The following C2CD4D variants were observed in gnomAD, a reference collection of about 807,000 sequenced individuals.
C2CD4D encodes C2 calcium-dependent domain-containing protein 4D.
A neutral mutation model predicts 0.2 loss-of-function variants in C2CD4D; 1 was observed. The ratio of observed to expected loss-of-function variants is 4.00; its 90% confidence interval spans 1.42 to 18.99. The LOEUF (loss-of-function observed/expected upper bound fraction) is 18.99. Ranked by LOEUF, C2CD4D falls within the 30% of genes most tolerant of loss-of-function variation. The pLI is 0.11. For missense variants in C2CD4D, 552 were observed against 551.2 expected (o/e 1.00, Z -0.01); for synonymous variants, 269 against 279.8 (o/e 0.96, Z 0.39).
exon 2 of C2CD4D, chr1:151,838,888 C>T: frequency 6.5e-7 from 1 of 1,543,984 alleles, no homozygotes; most frequent in Non-Finnish European, 8.7e-7. Context: ...CGCTTGTGGG[C>T]GGGCCCGGGG....
At position 151,838,968 on chromosome 1, in the gene C2CD4D, C is replaced by T. The variant is rs1652687602; in HGVS notation, c.22G>A (p.Gly8Ser). The change falls in exon 2 of 2, where the codon GGC (glycine) becomes AGC (serine). Residue 8 changes from glycine to serine, a missense_variant. By Grantham distance (56) the Gly-to-Ser change is moderately conservative (BLOSUM62 0). Transcript: ENST00000454109. ...GGCTCCGCGGCCCCCACCTTATAGC[C>T]AGCTTTTTCCAAGAGCCACATGCGG... 2 of 1,550,252 alleles carry T rather than the reference C, an allele frequency of 1.3e-6. No individual in the cohort carries two copies. Among genetic ancestry groups the T allele is most frequent in the Non-Finnish European group, 8.7e-7 (1 of 1,146,624 alleles).
In C2CD4D at chr1:151,838,821, GC is replaced by G. The variant is rs1652677741; in HGVS notation, c.168del (p.Leu57SerfsTer182). On this transcript the variant is annotated frameshift_variant, in exon 2 of 2. Coordinates refer to ENST00000454109, the Ensembl canonical transcript of C2CD4D. LOFTEE classifies it low-confidence loss of function (END_TRUNC). Reference sequence around the variant, plus strand: ...GGCACTGCGCCGCCCGGGTCCGGGAGCCGAGGCGGGATGAAGAACTGCGGGA... The same window carrying G: ...GGCACTGCGCCGCCCGGGTCCGGGAGCGAGGCGGGATGAAGAACTGCGGGA... 1.4e-6 allele frequency: 2 copies of G among 1,445,630 alleles called. No individual in the cohort carries two copies. The highest frequency in any genetic ancestry group is 1.8e-6 in the Non-Finnish European group (2 of 1,101,866). 89.6% of individuals were successfully genotyped at this position (1,445,630 alleles called of 1,614,324 possible). A position where few individuals can be genotyped will look rare whatever the true frequency, so the allele number is the denominator to read the frequency against.
chr1:151,837,943 G>T (rs1016260498), exon 2 of C2CD4D: 4 of 1,538,632 alleles, frequency 2.6e-6, no homozygotes, highest in Non-Finnish European at 3.5e-6. Flanking sequence ...GGCTGAGATG[G>T]GTGGGCGCCA....
intron 1 of C2CD4D, 63 bp from the exon 2 acceptor site, chr1:151,839,283 AC>A: frequency 2.2e-6 from 1 of 460,788 alleles, no homozygotes; most frequent in East Asian, 4.3e-5. Flanking sequence ...GGCCTCCGTC[AC>A]CAAGTACACA....
chr1:151,837,929 T>C, exon 2 of C2CD4D: 1 of 1,527,334 alleles, frequency 6.5e-7, no homozygotes, highest in South Asian at 1.2e-5. Flanking sequence ...GGGCTCAGGC[T>C]ACAGGCTGAG....
At chr1:151,839,993 G>C (rs1203724741) in intron 1 of C2CD4D, among the ~76,000 whole-genome samples, 173 bp from the exon 1 acceptor site, 1 of 152,240 alleles carries the variant, frequency 6.6e-6, no homozygotes, top group East Asian at 1.9e-4. Flanking sequence ...CAAGAGCACC[G>C]TGTTCCGACC....
At chr1:151,840,361 A>G in exon 1 of C2CD4D, 1 of 152,374 alleles carries the variant, frequency 6.6e-6, no homozygotes, top group Middle Eastern at 3.1e-3. Context: ...GCTACAGAGA[A>G]GAGGGAGACG....
exon 2 of C2CD4D, chr1:151,837,855 C>T: frequency 7.0e-7 from 1 of 1,435,572 alleles, no homozygotes. Context: ...AAAATAAATA[C>T]AAGCCGGGCA....
At chr1:151,838,301 C>T (rs1414297317) in exon 2 of C2CD4D, 2 of 1,385,736 alleles carry the variant, frequency 1.4e-6, no homozygotes. Flanking sequence ...CCGCCCGGGC[C>T]CGGCCTGATA....
chr1:151,839,801 C>T (rs1200262929), intron 1 of C2CD4D, among the ~76,000 whole-genome samples: 1 of 152,210 alleles, frequency 6.6e-6, no homozygotes, highest in Non-Finnish European at 1.5e-5. Context: ...CGCCTCCCAG[C>T]CCTACCGCAT....
At chr1:151,838,520 C>T (rs1652655260) in exon 2 of C2CD4D, 1 of 1,353,726 alleles carries the variant, frequency 7.4e-7, no homozygotes. Context: ...CCGGCCCAGG[C>T]CTGGCCGCGG....
exon 2 of C2CD4D, chr1:151,838,647 C>A (rs1326338451): frequency 1.5e-6 from 2 of 1,342,942 alleles, no homozygotes; most frequent in Non-Finnish European, 1.9e-6. Context: ...AGTCCCCCGG[C>A]CGGGGCAGGT....
exon 2 of C2CD4D, chr1:151,839,002 G>A: frequency 6.5e-7 from 1 of 1,548,968 alleles, no homozygotes; most frequent in Non-Finnish European, 8.7e-7. Flanking sequence ...GGTGGGTGGG[G>A]TAATGGAATT....
chr1:151,838,157 A>G (rs1421006006), exon 2 of C2CD4D: 8 of 1,549,968 alleles, frequency 5.2e-6, no homozygotes, highest in Non-Finnish European at 6.1e-6. Flanking sequence ...GCTGCACTTG[A>G]CCACGCGGCT....
chr1:151,838,426 C>T, exon 2 of C2CD4D: 3 of 1,424,102 alleles, frequency 2.1e-6, no homozygotes, highest in African/African-American at 1.5e-5. Context: ...GCGTGGGCGG[C>T]CCGGCGCGGC....
chr1:151,838,955 C>T (rs1410384701), exon 2 of C2CD4D: 3 of 1,550,044 alleles, frequency 1.9e-6, no homozygotes, highest in African/African-American at 1.4e-5. Context: ...CTCCGCGGCC[C>T]CCACCTTATA....
chr1:151,839,911 C>T (rs1380421139), intron 1 of C2CD4D, among the ~76,000 whole-genome samples, 91 bp from the exon 1 acceptor site: 3 of 152,202 alleles, frequency 2.0e-5, no homozygotes, highest in Non-Finnish European at 2.9e-5. Flanking sequence ...AGCATTGATT[C>T]TCCGCCACCC....
exon 2 of C2CD4D, chr1:151,838,930 C>G: frequency 1.3e-6 from 2 of 1,550,002 alleles, no homozygotes; most frequent in Non-Finnish European, 1.7e-6. Flanking sequence ...CGGAAGGCGC[C>G]CAACGGGCCG....
rs772538225 is a variant in C2CD4D, at chr1:151,838,240, G to A, written c.750C>T (p.Arg250=). The A allele has an allele frequency of 7.3e-6, 10 of 1,371,014 alleles. No homozygotes were observed. In the South Asian group the frequency reaches 1.9e-4, roughly 26 times the overall value. 84.9% of individuals were successfully genotyped at this position (1,371,014 alleles called of 1,614,324 possible). The change falls in exon 2 of 2, where the codon CGC becomes CGT. Residue 250 remains arginine (R), a synonymous_variant. Transcript: ENST00000454109. ...AGCAGCCGCCGCCGCCGCTCCCGGG[G>A]CGGGACCGCGGCCGGGGCAGGCCCT...
Sources: allele counts gnomAD v4.1 joint callset (sites outside exome capture counted in the v4.1 genomes callset), GRCh38; gene constraint gnomAD v4.1.1; transcripts MANE v1.5; gene names NCBI Gene and HGNC (gene_info 2026-07-23, HGNC 2026-07-21).